Variants in SAFB observed in about 807,000 individuals in gnomAD.
The protein encoded by SAFB is scaffold attachment factor B.
In SAFB, 15 loss-of-function variants were observed where a neutral mutation model predicts 101.6. The ratio of observed to expected loss-of-function variants is 0.15; its 90% confidence interval spans 0.10 to 0.23. The LOEUF is 0.23. Among genes scored for constraint, SAFB ranks in the 10% least tolerant of loss-of-function variants. The probability of loss-of-function intolerance (pLI) is 1.00; values close to 1 mark genes in which losing one functional copy is unlikely to be tolerated. For synonymous variants in SAFB, 449 were observed against 407.5 expected (o/e 1.10, Z -1.23); for missense variants, 930 against 1,104.1 (o/e 0.84, Z 2.23).
chr19:5,645,138 T>C (rs2053799764), intron 4 of SAFB, among the ~76,000 whole-genome samples, 199 bp from the exon 5 acceptor site: 1 of 152,254 alleles, frequency 6.6e-6, no homozygotes, highest in African/African-American at 2.4e-5. Flanking sequence ...TCCTAGTCTA[T>C]GTGCAGGTGG....
Position 5,667,845 on chromosome 19 carries a change from C to T in SAFB, c.2583C>T (p.His861=). 6.2e-7 allele frequency: 1 copy of T among 1,613,242 alleles called. No individual in the cohort carries two copies. Among genetic ancestry groups the T allele is most frequent in the Non-Finnish European group, 8.5e-7 (1 of 1,179,598 alleles). The change falls in exon 20 of 21, where the codon CAC becomes CAT. Residue 861 remains histidine, a synonymous_variant. Transcript: ENST00000588852. This position sits in a 1 kb window ranked among gnomAD's most constrained non-coding sequence, Gnocchi z 4.0. ...WQGGERSMSG[H]SGPGHMMNRG... Reference sequence around the variant, plus strand: ...GTGGCGAGAGAAGCATGTCCGGTCACTCCGGGCCTGGCCACATGATGAACC... The same window carrying T: ...GTGGCGAGAGAAGCATGTCCGGTCATTCCGGGCCTGGCCACATGATGAACC...
At chr19:5,627,660 C>T (rs1401131919) in intron 2 of SAFB, among the ~76,000 whole-genome samples, 1 of 152,124 alleles carries the variant, frequency 6.6e-6, no homozygotes, top group Non-Finnish European at 1.5e-5. Context: ...TTAGTCAGGC[C>T]CCAAACACGT....
intron 2 of SAFB, among the ~76,000 whole-genome samples, chr19:5,638,993 G>A (rs917826758): frequency 6.6e-6 from 1 of 151,324 alleles, no homozygotes; most frequent in Admixed American, 6.6e-5. Flanking sequence ...TCCCAAAGTG[G>A]TGGGATTATA....
chr19:5,646,100 G>A (rs968367935), intron 5 of SAFB, among the ~76,000 whole-genome samples: 3 of 152,092 alleles, frequency 2.0e-5, no homozygotes, highest in African/African-American at 7.2e-5. Context: ...CACTTACCTA[G>A]GTAGCTGGCT....
intron 13 of SAFB, among the ~76,000 whole-genome samples, chr19:5,656,602 A>C (rs191285500): frequency 7.7e-6 from 1 of 130,652 alleles, no homozygotes; most frequent in Admixed American, 8.1e-5. Context: ...TTTTTGTCAG[A>C]GTATCGCTCT....
intron 4 of SAFB, among the ~76,000 whole-genome samples, 186 bp from the exon 5 acceptor site, chr19:5,645,151 A>G (rs539027542): frequency 6.6e-6 from 1 of 152,350 alleles, no homozygotes; most frequent in Non-Finnish European, 1.5e-5. Flanking sequence ...GCAGGTGGAC[A>G]TTTACATACA....
In SAFB at chr19:5,653,330, T is replaced by C. The variant is rs761087870; in HGVS notation, c.1444-8T>C. 6.2e-7 allele frequency: 1 copy of C among 1,614,012 alleles called. No homozygotes were observed. Among genetic ancestry groups the C allele is most frequent in the Non-Finnish European group, 8.5e-7 (1 of 1,179,964 alleles). On this transcript the variant is annotated splice_polypyrimidine_tract_variant and splice_region_variant and intron_variant, in intron 10 of 20. Coordinates refer to ENST00000588852, the MANE Select transcript of SAFB (RefSeq NM_001201338.2). ...GAAATGGGGGTAATACTTGATTCTC[T>C]TTTTCAGGCCAAAAATGAACCTGTG...
At chr19:5,642,258 A>G (rs1383583226) in intron 4 of SAFB, among the ~76,000 whole-genome samples, 1 of 152,212 alleles carries the variant, frequency 6.6e-6, no homozygotes, top group Non-Finnish European at 1.5e-5. Context: ...GCATTGAACT[A>G]GGAAGAGGTT....
chr19:5,653,989 C>G (rs2053998092), intron 11 of SAFB, 72 bp from the exon 12 acceptor site: 1 of 1,479,086 alleles, frequency 6.8e-7, no homozygotes, highest in Non-Finnish European at 9.4e-7. Flanking sequence ...GATCCGCCCG[C>G]CTCATCCCCC....
At chr19:5,645,002 G>A (rs1205417864) in intron 4 of SAFB, among the ~76,000 whole-genome samples, 1 of 152,212 alleles carries the variant, frequency 6.6e-6, no homozygotes, top group Non-Finnish European at 1.5e-5. Flanking sequence ...TGGAAGAACA[G>A]CCCTCACCCT....
At position 5,667,787 on chromosome 19, in the gene SAFB, A is replaced by G. The variant is rs374608073; in HGVS notation, c.2558-33A>G. The G allele has an allele frequency of 1.2e-4, 187 of 1,612,436 alleles. No homozygotes were observed. The highest frequency in any genetic ancestry group is 8.1e-4 in the South Asian group (74 of 91,014). Reference sequence around the variant, plus strand: ...CCGTGGGTTCCACGCCGTGTGCGCAAGTTCCCTGTGTGAAAGCACGTCTGT... The same window carrying G: ...CCGTGGGTTCCACGCCGTGTGCGCAGGTTCCCTGTGTGAAAGCACGTCTGT... On this transcript the variant is annotated intron_variant, in intron 19 of 20. Transcript: ENST00000588852. The surrounding 1 kb of genome is among the most constrained non-coding windows in gnomAD (Gnocchi z 4.0).
chr19:5,632,558 G>A (rs75026595), intron 2 of SAFB, among the ~76,000 whole-genome samples: 4,096 of 152,226 alleles, frequency 0.027, 169 homozygotes, highest in African/African-American at 0.092. Flanking sequence ...GACAAAAAAT[G>A]TCCAGAGTCA....
At chr19:5,663,842 GACAAA>G (rs2054269496) in intron 15 of SAFB, among the ~76,000 whole-genome samples, 175 bp from the exon 16 acceptor site, 2 of 152,278 alleles carry the variant, frequency 1.3e-5, no homozygotes, top group South Asian at 2.1e-4. Flanking sequence ...GGGTGCATGG[GACAAA>G]ACAAAACAAC....
intron 1 of SAFB, among the ~76,000 whole-genome samples, chr19:5,624,217 T>A (rs1392733910): frequency 6.7e-6 from 1 of 149,824 alleles, no homozygotes; most frequent in East Asian, 1.9e-4. Flanking sequence ...AGTCCTCTTT[T>A]CTATTCTTTT....
At chr19:5,642,136 T>G in intron 4 of SAFB, 190 bp downstream of exon 4, 1 of 671,834 alleles carries the variant, frequency 1.5e-6, no homozygotes. Context: ...ACATTTCATA[T>G]GTACTTGCTA....
At position 5,648,053 on chromosome 19, in the gene SAFB, A is replaced by G; in HGVS notation, c.637+10A>G. 1.9e-6 allele frequency: 3 copies of G among 1,607,842 alleles called. No homozygotes were observed. In the South Asian group the frequency reaches 3.3e-5, roughly 18 times the overall value. On this transcript the variant is annotated intron_variant, in intron 6 of 20. Coordinates refer to ENST00000588852, the MANE Select transcript of SAFB (RefSeq NM_001201338.2). ...CCATCCCTGGAGCCAGGTACTGTTAAATGAAAAACTTACCAGCGGGGGTTT... is the reference window on the plus strand; with the variant it reads ...CCATCCCTGGAGCCAGGTACTGTTAGATGAAAAACTTACCAGCGGGGGTTT...
chr19:5,644,300 G>A (rs941089345), intron 4 of SAFB, among the ~76,000 whole-genome samples: 4 of 152,172 alleles, frequency 2.6e-5, no homozygotes, highest in East Asian at 1.9e-4. Flanking sequence ...AGAAAGCACC[G>A]TAGAGTTATG....
intron 15 of SAFB, among the ~76,000 whole-genome samples, chr19:5,663,564 A>G (rs920610080): frequency 3.3e-5 from 5 of 152,158 alleles, no homozygotes; most frequent in African/African-American, 1.2e-4. Flanking sequence ...TTGGTACGAA[A>G]TCCTTCTGAT....
rs374375051 is a variant in SAFB, at chr19:5,664,467, C to A, written c.2334+28C>A. 1.4e-5 allele frequency: 22 copies of A among 1,581,698 alleles called. No homozygotes were observed. In the African/African-American group the frequency reaches 2.2e-4, roughly 15 times the overall value. ...AAGTCTGAAGCTACAGTGGTAGCCA[C>A]AGAATTTCCCATAGAATGGGTTCTT... On this transcript the variant is annotated intron_variant, in intron 17 of 20. Transcript: ENST00000588852.
Sources: gnomAD v4.1 joint callset for allele counts (sites outside exome capture counted in the v4.1 genomes callset) on GRCh38, gnomAD v4.1.1 for gene constraint, Gnocchi (gnomAD v3.1) non-coding constraint, MANE v1.5 for transcripts, NCBI Gene and HGNC (gene_info 2026-07-23, HGNC 2026-07-21) for gene names.